The following GPR137B variants were observed in gnomAD, a reference collection of about 807,000 sequenced individuals.
GPR137B encodes the protein integral membrane protein GPR137B.
In GPR137B, 42 loss-of-function variants were observed where a neutral mutation model predicts 42.5. The ratio of observed to expected loss-of-function variants is 0.99; its 90% CI spans 0.77 to 1.28. The LOEUF is 1.28. Ranked by LOEUF, GPR137B falls within the 50% of genes most tolerant of loss-of-function variation. GPR137B has a pLI of 0.00. For synonymous variants in GPR137B, 218 were observed against 209.7 expected (o/e 1.04, Z -0.34); for missense variants, 487 against 493.9 (o/e 0.99, Z 0.13).
chr1:236,153,523 C>T (rs942484407), intron 1 of GPR137B, among the ~76,000 whole-genome samples: 9 of 152,120 alleles, frequency 5.9e-5, no homozygotes, highest in African/African-American at 1.9e-4. Flanking sequence ...TCCATTCATC[C>T]GTTGATGGAC....
At chr1:236,185,832 T>A (rs1352446860) in intron 5 of GPR137B, among the ~76,000 whole-genome samples, 2 of 152,128 alleles carry the variant, frequency 1.3e-5, no homozygotes, top group East Asian at 3.9e-4. Flanking sequence ...TTGGGGGATA[T>A]TCACATATGT....
intron 1 of GPR137B, among the ~76,000 whole-genome samples, chr1:236,144,380 A>G (rs2102886511): frequency 6.6e-6 from 1 of 152,278 alleles, no homozygotes; most frequent in African/African-American, 2.4e-5. Flanking sequence ...ACTGCACTCC[A>G]GCCTGGGTGA....
chr1:236,181,768 C>T (rs10495374), intron 4 of GPR137B, among the ~76,000 whole-genome samples: 11,601 of 151,984 alleles, frequency 0.076, 1,321 homozygotes, highest in African/African-American at 0.25. Flanking sequence ...CTGCTAAGGG[C>T]GTGCACTATT....
chr1:236,203,629 T>C (rs1663566761), intron 5 of GPR137B, among the ~76,000 whole-genome samples: 1 of 152,214 alleles, frequency 6.6e-6, no homozygotes, highest in African/African-American at 2.4e-5. Context: ...ATTTTAACAA[T>C]ATTGATTCCT....
At chr1:236,160,616 A>G (rs1162860273) in intron 1 of GPR137B, among the ~76,000 whole-genome samples, 7 of 152,170 alleles carry the variant, frequency 4.6e-5, no homozygotes, top group Non-Finnish European at 7.3e-5. Context: ...TCTTTCTTGC[A>G]TTTCACAAAC....
At position 236,155,291 on chromosome 1, in the gene GPR137B, A is replaced by T. The variant is rs535468596; in HGVS notation, c.414+12255A>T. Among the ~76,000 whole-genome samples, 5 of 152,336 alleles carry T rather than the reference A, an allele frequency of 3.3e-5. No homozygotes were observed. The South Asian group carries it at 1.0e-3, about 32-fold the overall frequency. ...CTTCAAGTCATGGAGCTGTCAAAGT[A>T]GAAGCAGCTTAATGAATATTTGTCC... On this transcript the variant is annotated intron_variant, in intron 1 of 6. Coordinates refer to ENST00000366592, the MANE Select transcript of GPR137B (RefSeq NM_003272.4). The surrounding 1 kb of genome is among the most constrained non-coding windows in gnomAD (Gnocchi z 4.6).
chr1:236,174,711 G>T (rs1662634505), intron 2 of GPR137B, among the ~76,000 whole-genome samples: 1 of 152,218 alleles, frequency 6.6e-6, no homozygotes, highest in Non-Finnish European at 1.5e-5. Flanking sequence ...GCTGGGTGCA[G>T]TGGCATGCAC....
rs145545548 is a variant in GPR137B at position 236,192,361 on chromosome 1, C to T, written c.966+8455C>T. Among the ~76,000 whole-genome samples, 50 of 151,746 alleles carry T rather than the reference C, an allele frequency of 3.3e-4. No individual in the cohort carries two copies. In the East Asian group the frequency reaches 9.3e-3, roughly 28 times the overall value. The stretch of plus-strand genomic sequence containing the variant: ...TTCTGTCTCACTGGCGTTCCAGATG[C>T]CACTGGGGTATGGGGAAAAAAAAAA... On this transcript the variant is annotated intron_variant, in intron 5 of 6. Transcript: ENST00000366592.
At chr1:236,190,148 C>CTTTTTTTT (rs34520510) in intron 5 of GPR137B, among the ~76,000 whole-genome samples, 3 of 119,396 alleles carry the variant, frequency 2.5e-5, no homozygotes, top group South Asian at 2.6e-4. Flanking sequence ...CCTGCTTCTT[C>CTTTTTTTT]TTTTTTTTTT....
At chr1:236,203,224 C>G (rs879841687) in intron 5 of GPR137B, among the ~76,000 whole-genome samples, 4 of 151,960 alleles carry the variant, frequency 2.6e-5, no homozygotes, top group African/African-American at 9.7e-5. Flanking sequence ...ACTATGGGCA[C>G]CCCCCATTTC....
At chr1:236,148,237 G>T (rs144298092) in intron 1 of GPR137B, among the ~76,000 whole-genome samples, 1 of 152,278 alleles carries the variant, frequency 6.6e-6, no homozygotes, top group African/African-American at 2.4e-5. Flanking sequence ...CAGGATAGAG[G>T]CTCAGAAGCA....
intron 1 of GPR137B, among the ~76,000 whole-genome samples, chr1:236,160,918 T>G (rs946500346): frequency 4.4e-5 from 5 of 113,560 alleles, no homozygotes; most frequent in Non-Finnish European, 8.8e-5. Flanking sequence ...TGTCTTTTTG[T>G]TTTTTTTTAA....
chr1:236,146,334 G>A (rs67957619), intron 1 of GPR137B, among the ~76,000 whole-genome samples: 29,225 of 152,112 alleles, frequency 0.19, 3,399 homozygotes, highest in African/African-American at 0.31. Flanking sequence ...TGAGACATGA[G>A]TCCTCTGAGA....
At chr1:236,148,292 C>G (rs945051704) in intron 1 of GPR137B, among the ~76,000 whole-genome samples, 2 of 152,182 alleles carry the variant, frequency 1.3e-5, no homozygotes, top group Non-Finnish European at 2.9e-5. Flanking sequence ...GCAGACAGGT[C>G]TGTGCCCTGC....
chr1:236,150,104 CCTGTGT>C lies in GPR137B; in HGVS notation c.414+7069_414+7074del. Among the ~76,000 whole-genome samples, 1 of 136,970 alleles carries C rather than the reference CCTGTGT, an allele frequency of 7.3e-6. No individual in the cohort carries two copies. Among genetic ancestry groups the C allele is most frequent in the East Asian group, 2.2e-4 (1 of 4,564 alleles). 89.9% of individuals were successfully genotyped at this position (136,970 alleles called of 152,430 possible). A position where few individuals can be genotyped will look rare whatever the true frequency, so the allele number is the denominator to read the frequency against. ...GTGTCTGTGCATGTGTGTGTCTGTG[CCTGTGT>C]ATGTCTGTGCCTGCGTGTGCCTGTG... is the stretch of plus-strand genomic sequence containing the variant. On this transcript the variant is annotated intron_variant, in intron 1 of 6. Transcript: ENST00000366592. This position sits in a 1 kb window ranked among gnomAD's most constrained non-coding sequence, Gnocchi z 6.2.
Position 236,156,912 on chromosome 1 carries a change from AT to A in GPR137B, c.415-11793del, listed in dbSNP as rs1402258943. On this transcript the variant is annotated intron_variant, in intron 1 of 6. Transcript: ENST00000366592. The surrounding 1 kb of genome is among the most constrained non-coding windows in gnomAD (Gnocchi z 4.8). ...AAGTTCCTTTTATGGTTAGGATAGC[AT>A]CTGTGGTCACAGTTTAGTAGCTGTG... is the stretch of plus-strand genomic sequence containing the variant. Among the ~76,000 whole-genome samples, 12 of 152,316 alleles carry A rather than the reference AT, an allele frequency of 7.9e-5. No homozygotes were observed. The highest frequency in any genetic ancestry group is 1.3e-4 in the Admixed American group (2 of 15,306).
At chr1:236,151,427 T>C (rs1474631189) in intron 1 of GPR137B, among the ~76,000 whole-genome samples, 2 of 144,046 alleles carry the variant, frequency 1.4e-5, no homozygotes, top group Admixed American at 6.9e-5. Flanking sequence ...CATTTTTTTT[T>C]TTTTTTTTTT....
At chr1:236,154,386 C>T (rs973964559) in intron 1 of GPR137B, among the ~76,000 whole-genome samples, 11 of 152,130 alleles carry the variant, frequency 7.2e-5, no homozygotes, top group East Asian at 5.8e-4. Flanking sequence ...GTGTCTTCCC[C>T]GAGTTCTCTC....
Position 236,180,001 on chromosome 1 carries a change from T to C in GPR137B, c.810T>C (p.Asp270=). 1 of 1,613,808 alleles carries C rather than the reference T, an allele frequency of 6.2e-7. No individual in the cohort carries two copies. Among genetic ancestry groups the C allele is most frequent in the Non-Finnish European group, 8.5e-7 (1 of 1,179,736 alleles). Residue 270 remains aspartate (D), a synonymous_variant, in exon 4 of 7, where the codon GAT becomes GAC. Transcript: ENST00000366592. ...AGAACAAGAGCGTCCATTCCTTTGA[T>C]TATGACTGGTACAATGTATCAGACC... ...FSQNKSVHSF[D]YDWYNVSDQA... is the part of the protein sequence containing the mutation.
Sources: gnomAD v4.1 joint callset for allele counts (sites outside exome capture counted in the v4.1 genomes callset) on GRCh38, gnomAD v4.1.1 for gene constraint, Gnocchi (gnomAD v3.1) non-coding constraint, MANE v1.5 for transcripts, NCBI Gene and HGNC (gene_info 2026-07-23, HGNC 2026-07-21) for gene names.